SMC6: variants seen among roughly 807,000 people sequenced by gnomAD.
SMC6 encodes the protein structural maintenance of chromosomes protein 6.
Under a neutral mutation model 142.2 loss-of-function variants are expected in SMC6, and 79 were observed. The observed-to-expected ratio is 0.56, with a 90% confidence interval of 0.46 to 0.67. The LOEUF (loss-of-function observed/expected upper bound fraction) is 0.67. Ranked by LOEUF, SMC6 falls within the 30% of genes least tolerant of loss-of-function variation. The probability of loss-of-function intolerance (pLI) is 0.00; values close to 1 mark genes in which losing one functional copy is unlikely to be tolerated. For synonymous variants in SMC6, 411 were observed against 412.4 expected (o/e 1.00, Z 0.04); for missense variants, 1,072 against 1,284.0 (o/e 0.83, Z 2.52).
chr2:17,688,861 T>C (rs991816661), intron 23 of SMC6, among the ~76,000 whole-genome samples: 7 of 152,162 alleles, frequency 4.6e-5, no homozygotes, highest in Non-Finnish European at 7.3e-5. Context: ...GGAGATAACA[T>C]AGGCTCTTCC....
Position 17,753,612 on chromosome 2 carries a change from C to G in SMC6, c.-93+14G>C, listed in dbSNP as rs1339901074. 6.6e-6 allele frequency: 1 copy of G among 152,254 alleles called. No homozygotes were observed. The highest frequency in any genetic ancestry group is 1.9e-4 in the East Asian group (1 of 5,192). The allele number at this position is 152,254 out of a possible 1,614,324, so 9.4% of individuals were successfully genotyped here. On this transcript the variant is annotated intron_variant, in intron 1 of 27. Transcript: ENST00000448223. ...CGGAGCAAGGGAAAGCGACAGCGCG[C>G]GCCTTCACCCTACCGCCAACAAGTC... is the stretch of plus-strand genomic sequence containing the variant.
intron 3 of SMC6, 134 bp downstream of exon 3, chr2:17,745,693 C>T: frequency 3.5e-6 from 3 of 859,898 alleles, no homozygotes; most frequent in Non-Finnish European, 4.9e-6. Context: ...TCAAAATTAC[C>T]CAGAACAGAT....
At position 17,725,296 on chromosome 2, in the gene SMC6, C is replaced by T. The variant is rs1384578197; in HGVS notation, c.687G>A (p.Thr229=). 4 of 1,609,240 alleles carry T rather than the reference C, an allele frequency of 2.5e-6. No homozygotes were observed. Among genetic ancestry groups the T allele is most frequent in the Non-Finnish European group, 8.5e-7 (1 of 1,178,880 alleles). The change falls in exon 9 of 28, where the codon ACG becomes ACA. Residue 229 remains threonine, a synonymous_variant. Coordinates refer to ENST00000448223, the MANE Select transcript of SMC6 (RefSeq NM_001142286.2). ...GTATCTGCTCCTTTGTTCTTTCTTTCGTTTCCATAATGTATGAATAATCTT... is the reference window on the plus strand; with the variant it reads ...GTATCTGCTCCTTTGTTCTTTCTTTTGTTTCCATAATGTATGAATAATCTT... ...MKEDYSYIME[T]KERTKEQIHQ...
chr2:17,679,997 A>T (rs1391850607), intron 24 of SMC6: 1 of 152,126 alleles, frequency 6.6e-6, no homozygotes, highest in African/African-American at 2.4e-5. Flanking sequence ...TGATAGCCTG[A>T]GTTTCCTTCT....
intron 25 of SMC6, among the ~76,000 whole-genome samples, chr2:17,673,662 C>T (rs1011877517): frequency 6.0e-5 from 9 of 149,188 alleles, no homozygotes; most frequent in Non-Finnish European, 1.2e-4. Context: ...CTCCGCCTCC[C>T]GGGTTTAAGC....
chr2:17,720,997 A>C lies in SMC6; in HGVS notation c.888T>G (p.Asn296Lys), dbSNP rs143491485. 11 of 1,613,644 alleles carry C rather than the reference A, an allele frequency of 6.8e-6. No individual in the cohort carries two copies. The South Asian group carries it at 1.2e-4, about 18-fold the overall frequency. The change falls in exon 11 of 28, where the codon AAT becomes AAG. Residue 296 changes from asparagine (N) to lysine (K), a missense_variant. This residue lies in a region of SMC6 where 994 missense variants were observed against 1,153.2 expected (regional missense o/e 0.86). Transcript: ENST00000448223. The stretch of plus-strand genomic sequence containing the variant: ...CAGCACGATCTTCTCCAATTTTGAT[A>C]TTATCTCTGATGGCATTCAATTGTT... Reference protein sequence around the residue: ...IEKQLNAIRDNIKIGEDRAAR... With the variant: ...IEKQLNAIRDKIKIGEDRAAR...
At chr2:17,742,603 T>C (rs1266776076) in intron 3 of SMC6, among the ~76,000 whole-genome samples, 3 of 152,138 alleles carry the variant, frequency 2.0e-5, no homozygotes, top group Non-Finnish European at 4.4e-5. Context: ...TTTTCAAGTC[T>C]CCAGGTATTT....
intron 17 of SMC6, 87 bp downstream of exon 17, chr2:17,708,551 TA>T: frequency 1.7e-6 from 1 of 583,024 alleles, no homozygotes; most frequent in Non-Finnish European, 2.6e-6. Context: ...AACTCTATGA[TA>T]AAAGGGGAAT....
At chr2:17,735,340 G>C (rs185133155) in intron 5 of SMC6, among the ~76,000 whole-genome samples, 1 of 152,068 alleles carries the variant, frequency 6.6e-6, no homozygotes, top group Non-Finnish European at 1.5e-5. Flanking sequence ...TCTCAACTCA[G>C]GAACAATCTA....
At chr2:17,751,228 C>T (rs1334655731) in intron 2 of SMC6, among the ~76,000 whole-genome samples, 1 of 151,910 alleles carries the variant, frequency 6.6e-6, no homozygotes, top group Non-Finnish European at 1.5e-5. Context: ...GCCTTGTCAT[C>T]CCAGCACTTT....
intron 25 of SMC6, among the ~76,000 whole-genome samples, chr2:17,674,133 TGAGA>T (rs1427566815): frequency 6.6e-6 from 1 of 152,172 alleles, no homozygotes; most frequent in African/African-American, 2.4e-5. Flanking sequence ...TTTAGCATCC[TGAGA>T]TAGAACTTAG....
chr2:17,750,261 T>C (rs1670957790), intron 2 of SMC6, among the ~76,000 whole-genome samples: 2 of 152,168 alleles, frequency 1.3e-5, no homozygotes, highest in East Asian at 1.9e-4. Context: ...GCAGTGGTAA[T>C]ATCAGGGACA....
chr2:17,753,317 G>A (rs1671164541), intron 1 of SMC6, among the ~76,000 whole-genome samples: 1 of 152,256 alleles, frequency 6.6e-6, no homozygotes, highest in African/African-American at 2.4e-5. Context: ...CACAGCCCGG[G>A]AGAGTCTGGG....
intron 23 of SMC6, among the ~76,000 whole-genome samples, chr2:17,689,913 A>C (rs1464463831): frequency 6.6e-6 from 1 of 152,098 alleles, no homozygotes. Context: ...CAGTCTTTTC[A>C]ATCTGTGGTT....
intron 7 of SMC6, among the ~76,000 whole-genome samples, chr2:17,730,037 G>C (rs1161793728): frequency 6.6e-6 from 1 of 152,136 alleles, no homozygotes; most frequent in African/African-American, 2.4e-5. Flanking sequence ...TAACGAGGCA[G>C]TATTGCACAA....
chr2:17,708,380 C>A (rs1400188752), intron 17 of SMC6, among the ~76,000 whole-genome samples: 7 of 151,942 alleles, frequency 4.6e-5, no homozygotes, highest in Admixed American at 4.6e-4. Context: ...AGTTATAGCA[C>A]CATGCACCAA....
chr2:17,692,629 C>T (rs192794530), intron 23 of SMC6, among the ~76,000 whole-genome samples: 52 of 152,282 alleles, frequency 3.4e-4, no homozygotes, highest in Admixed American at 2.9e-3. Flanking sequence ...GCAAACCATT[C>T]AGGACATAGG....
rs760350724 is a variant in SMC6 at position 17,716,820 on chromosome 2, G to T, written c.1267C>A (p.Gln423Lys). Reference sequence around the variant, plus strand: ...ATCTCTTGATTGACTGAATTTTCTTGATTTTGAAAGGCCTTTACTCTCTCT... The same window carrying T: ...ATCTCTTGATTGACTGAATTTTCTTTATTTTGAAAGGCCTTTACTCTCTCT... ...LKERVKAFQNQENSVNQEIEQ... is the reference protein window; with the variant it reads ...LKERVKAFQNKENSVNQEIEQ... Residue 423 changes from glutamine (Q) to lysine (K), a missense_variant, in exon 14 of 28, where the codon CAA (glutamine) becomes AAA (lysine). By Grantham distance (53) the Gln-to-Lys change is moderately conservative. This residue lies in a region of SMC6 where 994 missense variants were observed against 1,153.2 expected (regional missense o/e 0.86). Transcript: ENST00000448223. 1 of 1,613,192 alleles carries T rather than the reference G, an allele frequency of 6.2e-7. No homozygotes were observed. The highest frequency in any genetic ancestry group is 8.5e-7 in the Non-Finnish European group (1 of 1,179,648).
Position 17,664,106 on chromosome 2 carries a change from C to T in SMC6, c.*1393G>A, listed in dbSNP as rs1666391122. ...GTTCCTTAGCTAATGAAAGTTTATG[C>T]ATTTGGTATACTCTACTTCATTTTT... On this transcript the variant is annotated 3_prime_UTR_variant, in exon 28 of 28. Coordinates refer to ENST00000448223, the MANE Select transcript of SMC6 (RefSeq NM_001142286.2). 6.6e-6 allele frequency: 1 copy of T among 152,162 alleles called. No individual in the cohort carries two copies. Among genetic ancestry groups the T allele is most frequent in the Non-Finnish European group, 1.5e-5 (1 of 68,036 alleles). 9.4% of individuals were successfully genotyped at this position (152,162 alleles called of 1,614,324 possible). A position where few individuals can be genotyped will look rare whatever the true frequency, so the allele number is the denominator to read the frequency against.
Sources: allele counts gnomAD v4.1 joint callset (sites outside exome capture counted in the v4.1 genomes callset), GRCh38; gene constraint gnomAD v4.1.1; regional missense constraint gnomAD v4.1.1; transcripts MANE v1.5; gene names NCBI Gene and HGNC (gene_info 2026-07-23, HGNC 2026-07-21).